The following FMN1 variants were observed in gnomAD, a reference collection of about 807,000 sequenced individuals.
FMN1 encodes the protein formin 1, also known as formin-1.
In FMN1, 110 loss-of-function variants were observed where a neutral mutation model predicts 132.4. The observed-to-expected ratio is 0.83, with a 90% CI of 0.71 to 0.97. The LOEUF is 0.97. Ranked by LOEUF, FMN1 falls within the 50% of genes least tolerant of loss-of-function variation. FMN1 has a pLI of 0.00. For synonymous variants in FMN1, 722 were observed against 651.7 expected (o/e 1.11, Z -1.64); for missense variants, 1,792 against 1,705.3 (o/e 1.05, Z -0.90).
At chr15:32,853,650 T>A (rs2059059842) in intron 17 of FMN1, among the ~76,000 whole-genome samples, 1 of 152,208 alleles carries the variant, frequency 6.6e-6, no homozygotes. Context: ...TATACTGCAA[T>A]TTGGCAAAAA....
intron 16 of FMN1, among the ~76,000 whole-genome samples, chr15:32,884,339 G>C (rs1039494732): frequency 1.3e-5 from 2 of 152,010 alleles, no homozygotes; most frequent in African/African-American, 4.8e-5. Context: ...CTTGGCTCAC[G>C]GCCCACTTCC....
At chr15:33,014,934 G>A (rs1192685259) in intron 6 of FMN1, among the ~76,000 whole-genome samples, 3 of 152,164 alleles carry the variant, frequency 2.0e-5, no homozygotes, top group Non-Finnish European at 2.9e-5. Flanking sequence ...ATTATTGAGG[G>A]TTATTTTTCA....
intron 5 of FMN1, among the ~76,000 whole-genome samples, chr15:33,082,053 G>GTGTGTGTGTGTT (rs540217494): frequency 0.016 from 2,111 of 134,542 alleles, 51 homozygotes; most frequent in African/African-American, 0.046. Flanking sequence ...GTGTGTGTGT[G>GTGTGTGTGTGTT]TAAGACGGAG....
chr15:32,906,489 T>C lies in FMN1; in HGVS notation c.3377+2001A>G, dbSNP rs370773737. On this transcript the variant is annotated intron_variant, in intron 12 of 20. Transcript: ENST00000616417. The stretch of plus-strand genomic sequence containing the variant: ...ATGGCTGACTTGAATATTTGTAACA[T>C]CCCGTAAGCCACAAAGCCTAAAAGA... 1.1e-4 allele frequency among the ~76,000 whole-genome samples: 17 copies of C among 152,300 alleles called. No homozygotes were observed. The East Asian group carries it at 1.2e-3, about 10-fold the overall frequency.
intron 6 of FMN1, chr15:33,012,127 A>G (rs1423664582): frequency 1.1e-5 from 5 of 465,774 alleles, no homozygotes; most frequent in Non-Finnish European, 2.0e-5. Context: ...TCATGTCTGC[A>G]CATCAGAGTC....
At chr15:32,905,754 T>C (rs550854260) in intron 12 of FMN1, among the ~76,000 whole-genome samples, 2 of 152,346 alleles carry the variant, frequency 1.3e-5, no homozygotes, top group African/African-American at 4.8e-5. Flanking sequence ...TTTTCCAGTA[T>C]GTAAAACATG....
At chr15:32,875,183 T>C (rs1462998514) in intron 16 of FMN1, among the ~76,000 whole-genome samples, 2 of 152,232 alleles carry the variant, frequency 1.3e-5, no homozygotes, top group Admixed American at 1.3e-4. Context: ...TATCTCATCT[T>C]ACCCTATGAA....
intron 4 of FMN1, among the ~76,000 whole-genome samples, chr15:33,105,412 T>A (rs1461295777): frequency 6.6e-6 from 1 of 152,078 alleles, no homozygotes; most frequent in African/African-American, 2.4e-5. Context: ...ATCAGAGGAA[T>A]CTAGAGGATA....
chr15:33,087,141 A>G (rs1242176098), intron 5 of FMN1, among the ~76,000 whole-genome samples: 2 of 152,248 alleles, frequency 1.3e-5, no homozygotes, highest in Non-Finnish European at 2.9e-5. Context: ...GAATCACAAT[A>G]ATCTGGTCAA....
At chr15:32,881,795 A>C (rs1251800593) in intron 16 of FMN1, among the ~76,000 whole-genome samples, 1 of 152,144 alleles carries the variant, frequency 6.6e-6, no homozygotes, top group Non-Finnish European at 1.5e-5. Context: ...TCACCCTCTT[A>C]TGTGACTTGA....
At chr15:32,938,037 AC>A (rs1386954472) in intron 9 of FMN1, among the ~76,000 whole-genome samples, 1 of 152,164 alleles carries the variant, frequency 6.6e-6, no homozygotes, top group Non-Finnish European at 1.5e-5. Flanking sequence ...TTGGAAGTAG[AC>A]AGGAGGAAAA....
intron 19 of FMN1, among the ~76,000 whole-genome samples, chr15:32,792,168 T>C (rs2057104614): frequency 6.6e-6 from 1 of 150,652 alleles, no homozygotes; most frequent in African/African-American, 2.4e-5. Context: ...AAACTACCAT[T>C]GGTGTCAAAA....
At chr15:33,053,676 A>C (rs1013797809) in intron 6 of FMN1, among the ~76,000 whole-genome samples, 5 of 151,632 alleles carry the variant, frequency 3.3e-5, no homozygotes, top group African/African-American at 1.2e-4. Context: ...CACAGACCTA[A>C]AAAAAAAATG....
At chr15:32,954,486 A>T (rs2061720362) in intron 9 of FMN1, among the ~76,000 whole-genome samples, 1 of 152,250 alleles carries the variant, frequency 6.6e-6, no homozygotes. Context: ...ATTAAAGTTT[A>T]TCTTTTGACA....
intron 9 of FMN1, among the ~76,000 whole-genome samples, chr15:32,962,522 C>A (rs1024330965): frequency 6.6e-6 from 1 of 151,198 alleles, no homozygotes; most frequent in Non-Finnish European, 1.5e-5. Context: ...AGCTTCTGCA[C>A]AGCAAAACAA....
intron 7 of FMN1, among the ~76,000 whole-genome samples, chr15:33,005,327 G>C (rs903122974): frequency 5.3e-5 from 8 of 152,130 alleles, no homozygotes; most frequent in Non-Finnish European, 1.2e-4. Context: ...AGTTGTTTAA[G>C]TGTACTAGTA....
intron 10 of FMN1, among the ~76,000 whole-genome samples, chr15:32,915,386 T>C (rs1412759796): frequency 6.6e-6 from 1 of 152,256 alleles, no homozygotes; most frequent in Non-Finnish European, 1.5e-5. Flanking sequence ...AGCCATTACA[T>C]AAGCCCAATT....
At chr15:33,096,371 A>C (rs889522172) in intron 4 of FMN1, among the ~76,000 whole-genome samples, 1 of 152,116 alleles carries the variant, frequency 6.6e-6, no homozygotes, top group East Asian at 1.9e-4. Flanking sequence ...AAAAGTCTGG[A>C]TATTACCTTG....
At chr15:32,935,908 G>A (rs536345276) in intron 9 of FMN1, among the ~76,000 whole-genome samples, 7 of 152,236 alleles carry the variant, frequency 4.6e-5, no homozygotes, top group African/African-American at 1.4e-4. Context: ...TTACAGGCGT[G>A]AGCCACCGGC....
Sources: gnomAD v4.1 joint callset for allele counts (sites outside exome capture counted in the v4.1 genomes callset) on GRCh38, gnomAD v4.1.1 for gene constraint, MANE v1.5 for transcripts, NCBI Gene and HGNC (gene_info 2026-07-23, HGNC 2026-07-21) for gene names.